RAB5B: variants seen among roughly 807,000 people sequenced by gnomAD.
RAB5B encodes ras-related protein Rab-5B.
In RAB5B, 11 loss-of-function variants were observed where a neutral mutation model predicts 28.6. The observed-to-expected ratio is 0.38, with a 90% confidence interval of 0.24 to 0.64. The LOEUF is 0.64. Ranked by LOEUF, RAB5B falls within the 30% of genes least tolerant of loss-of-function variation. RAB5B has a pLI of 0.53. For synonymous variants in RAB5B, 93 were observed against 97.9 expected (o/e 0.95, Z 0.29); for missense variants, 169 against 265.6 (o/e 0.64, Z 2.53).
At chr12:55,982,581 A>G (rs948325220) in intron 1 of RAB5B, among the ~76,000 whole-genome samples, 13 of 152,068 alleles carry the variant, frequency 8.5e-5, no homozygotes, top group Non-Finnish European at 1.9e-4. Context: ...GGCGTGAACC[A>G]TGATGTGCAG....
intron 1 of RAB5B, chr12:55,980,870 T>C (rs775284977): frequency 1.9e-4 from 306 of 1,610,844 alleles, no homozygotes; most frequent in Non-Finnish European, 2.4e-4. Context: ...TTTGATCTTC[T>C]TCCCCTCTAT....
intron 1 of RAB5B, among the ~76,000 whole-genome samples, chr12:55,978,394 C>T (rs1362939142): frequency 4.6e-5 from 7 of 151,974 alleles, no homozygotes; most frequent in Non-Finnish European, 8.8e-5. Flanking sequence ...CCCCCAGCTT[C>T]TCGGGAGGCT....
intron 1 of RAB5B, among the ~76,000 whole-genome samples, chr12:55,984,205 G>A (rs1889890451): frequency 1.4e-5 from 2 of 142,754 alleles, no homozygotes; most frequent in African/African-American, 5.2e-5. Flanking sequence ...TTTTTTTTTA[G>A]ACTGAGTCTC....
intron 1 of RAB5B, chr12:55,979,381 G>C (rs956220044): frequency 1.3e-5 from 2 of 152,124 alleles, no homozygotes; most frequent in African/African-American, 4.8e-5. Flanking sequence ...GGTAACACTG[G>C]ATCAACAAAA....
rs1889769283 is a variant in RAB5B at position 55,980,417 on chromosome 12, G to T, written c.-93+6278G>T. On this transcript the variant is annotated intron_variant, in intron 1 of 5. Transcript: ENST00000360299. ...CTTCCGGGGTGGGGAGGCAAGAAAG[G>T]GTCCTCAGCTCAGGGAGCACTTGTT... The T allele has an allele frequency of 1.2e-5, 19 of 1,568,422 alleles. No individual in the cohort carries two copies. In the East Asian group the frequency reaches 4.3e-4, roughly 35 times the overall value.
chr12:55,983,803 A>G (rs1411836222), intron 1 of RAB5B, among the ~76,000 whole-genome samples: 2 of 151,594 alleles, frequency 1.3e-5, no homozygotes, highest in Admixed American at 6.6e-5. Context: ...GATTACAGGC[A>G]CATACCACCA....
At chr12:55,981,082 T>C (rs1299450609) in intron 1 of RAB5B, 31 of 1,538,140 alleles carry the variant, frequency 2.0e-5, no homozygotes, top group Non-Finnish European at 2.5e-5. Context: ...TTATTTATTT[T>C]TGAGACGGAA....
intron 1 of RAB5B, chr12:55,979,361 T>C (rs748059883): frequency 6.6e-6 from 1 of 152,182 alleles, no homozygotes; most frequent in East Asian, 1.9e-4. Flanking sequence ...TTTAATCCAA[T>C]GACTCATTAG....
At position 55,993,809 on chromosome 12, in the gene RAB5B, G is replaced by A. The variant is rs1186609819; in HGVS notation, c.*1597G>A. ...TCATACCACCTGTTCCTGTGGAGAG[G>A]GAATGACCGGCACTGAAGGTACCTT... On this transcript the variant is annotated 3_prime_UTR_variant, in exon 6 of 6. Transcript: ENST00000360299. 2.0e-5 allele frequency: 3 copies of A among 152,524 alleles called. No homozygotes were observed. Among genetic ancestry groups the A allele is most frequent in the Admixed American group, 6.6e-5 (1 of 15,264 alleles). The allele number at this position is 152,524 out of a possible 1,614,324, so 9.4% of individuals were successfully genotyped here.
intron 3 of RAB5B, 25 bp downstream of exon 3, chr12:55,990,123 T>C: frequency 6.2e-7 from 1 of 1,600,558 alleles, no homozygotes; most frequent in African/African-American, 1.3e-5. Flanking sequence ...AAGACTGTCC[T>C]TGTTGGCTGG....
chr12:55,995,777 T>TTAAGGTCAATTATGTA lies in RAB5B; in HGVS notation c.*3566_*3581dup, dbSNP rs1451895357. 6.6e-6 allele frequency: 1 copy of TTAAGGTCAATTATGTA among 151,966 alleles called. No individual in the cohort carries two copies. The highest frequency in any genetic ancestry group is 1.5e-5 in the Non-Finnish European group (1 of 68,010). 9.4% of individuals were successfully genotyped at this position (151,966 alleles called of 1,614,324 possible). A position where few individuals can be genotyped will look rare whatever the true frequency, so the allele number is the denominator to read the frequency against. ...TCATCTGTAAAGTAAAAGCTGAAGA[T>TTAAGGTCAATTATGTA]TAAGGTCAATTATGTAAAGTATGTG... On this transcript the variant is annotated 3_prime_UTR_variant, in exon 6 of 6. Coordinates refer to ENST00000360299, the MANE Select transcript of RAB5B (RefSeq NM_002868.4).
intron 1 of RAB5B, among the ~76,000 whole-genome samples, chr12:55,976,712 T>C (rs1229053881): frequency 6.6e-6 from 1 of 152,224 alleles, no homozygotes; most frequent in East Asian, 1.9e-4. Context: ...TCACTTAGGC[T>C]GGAGTACAGT....
chr12:55,981,661 C>G (rs1428663323), intron 1 of RAB5B, among the ~76,000 whole-genome samples: 1 of 152,056 alleles, frequency 6.6e-6, no homozygotes, highest in African/African-American at 2.4e-5. Flanking sequence ...GTTATGCCTA[C>G]TTTGCTGCAC....
intron 1 of RAB5B, chr12:55,980,582 C>T: frequency 1.3e-6 from 2 of 1,597,626 alleles, no homozygotes; most frequent in South Asian, 2.2e-5. Context: ...GGATTTAGCA[C>T]TAGTTTCGAA....
intron 2 of RAB5B, among the ~76,000 whole-genome samples, chr12:55,987,481 G>C (rs1461901784): frequency 6.6e-6 from 1 of 151,920 alleles, no homozygotes; most frequent in Non-Finnish European, 1.5e-5. Flanking sequence ...CTTTTGAAAA[G>C]AGATATAAGA....
chr12:55,990,825 CCT>C, intron 4 of RAB5B, 21 bp downstream of exon 4: 1 of 1,612,000 alleles, frequency 6.2e-7, no homozygotes, highest in Non-Finnish European at 8.5e-7. Flanking sequence ...CCGTGGAGTT[CCT>C]CTCTAACACT....
intron 3 of RAB5B, 147 bp downstream of exon 3, chr12:55,990,245 T>C: frequency 1.1e-6 from 1 of 917,128 alleles, no homozygotes; most frequent in Non-Finnish European, 1.6e-6. Context: ...CCGTCTCTAC[T>C]AAAATTACAA....
chr12:55,990,276 T>C (rs35591093), intron 3 of RAB5B, 178 bp downstream of exon 3: 47,239 of 630,960 alleles, frequency 0.075, 2,027 homozygotes, highest in Non-Finnish European at 0.085. Context: ...GGCGTGGTGG[T>C]GCGCGCCTGT....
At chr12:55,981,695 A>G (rs1280612478) in intron 1 of RAB5B, among the ~76,000 whole-genome samples, 1 of 152,028 alleles carries the variant, frequency 6.6e-6, no homozygotes, top group Non-Finnish European at 1.5e-5. Context: ...TGCCCACATT[A>G]AAGAACATCC....
Sources: allele counts gnomAD v4.1 joint callset (sites outside exome capture counted in the v4.1 genomes callset), GRCh38; gene constraint gnomAD v4.1.1; transcripts MANE v1.5; gene names NCBI Gene and HGNC (gene_info 2026-07-23, HGNC 2026-07-21).